Variants in MECOM observed in about 807,000 individuals in gnomAD.
MECOM encodes the protein MDS1 and EVI1 complex locus.
Under a neutral mutation model 116.3 loss-of-function variants are expected in MECOM, and 13 were observed. The ratio of observed to expected loss-of-function variants is 0.11; its 90% CI spans 0.07 to 0.18. MECOM has a LOEUF of 0.18. Among genes scored for constraint, MECOM ranks in the 10% least tolerant of loss-of-function variants. The pLI is 1.00. For synonymous variants in MECOM, 528 were observed against 535.2 expected (o/e 0.99, Z 0.19); for missense variants, 1,299 against 1,509.0 (o/e 0.86, Z 2.31).
At chr3:169,236,907 T>C (rs1754134856) in intron 2 of MECOM, among the ~76,000 whole-genome samples, 1 of 152,256 alleles carries the variant, frequency 6.6e-6, no homozygotes, top group Admixed American at 6.5e-5. Flanking sequence ...CACTTGACTT[T>C]TGACCTTTCA....
At chr3:169,496,631 G>T (rs1381915618) in intron 1 of MECOM, among the ~76,000 whole-genome samples, 1 of 152,190 alleles carries the variant, frequency 6.6e-6, no homozygotes, top group Non-Finnish European at 1.5e-5. Flanking sequence ...AGATAACCCT[G>T]CAATGACTTC....
chr3:169,420,418 G>T (rs1282565866), intron 1 of MECOM, among the ~76,000 whole-genome samples: 4 of 152,104 alleles, frequency 2.6e-5, no homozygotes. Context: ...TGTTCTCTAA[G>T]ATTCCTTTCA....
chr3:169,116,497 T>C lies in MECOM; in HGVS notation c.1375A>G (p.Met459Val), dbSNP rs201159531. The C allele has an allele frequency of 1.3e-5, 21 of 1,614,072 alleles. No homozygotes were observed. Among genetic ancestry groups the C allele is most frequent in the Non-Finnish European group, 1.7e-5 (20 of 1,180,040 alleles). The change falls in exon 8 of 17, where the codon ATG (methionine) becomes GTG (valine). Residue 459 changes from methionine (M) to valine (V), a missense_variant. Physicochemically the swap from Met to Val is conservative, Grantham distance 21 (BLOSUM62 1). This residue lies in a region of MECOM where 238 missense variants were observed against 273.1 expected (regional missense o/e 0.87). Coordinates refer to ENST00000651503, the MANE Select transcript of MECOM (RefSeq NM_004991.4). ...PAMDKTSMVN[M>V]SHANPGLADY... Reference sequence around the variant, plus strand: ...GCAAGGCCCGGGTTGGCATGACTCATATTAACCATGGACGTTTTATCCATA... The same window carrying C: ...GCAAGGCCCGGGTTGGCATGACTCACATTAACCATGGACGTTTTATCCATA...
intron 2 of MECOM, chr3:169,147,723 T>G: frequency 1.0e-6 from 1 of 979,166 alleles, no homozygotes; most frequent in Non-Finnish European, 1.2e-6. Context: ...GTGGTGTGTG[T>G]GTGTGTGTGT....
intron 2 of MECOM, among the ~76,000 whole-genome samples, chr3:169,358,528 C>CAA (rs3980663): frequency 0.032 from 4,225 of 131,890 alleles, 198 homozygotes; most frequent in African/African-American, 0.11. Flanking sequence ...TTTAGAGCCA[C>CAA]AAAAAAAAAA....
At chr3:169,255,014 A>G (rs998749) in intron 2 of MECOM, among the ~76,000 whole-genome samples, 60,663 of 151,984 alleles carry the variant, frequency 0.4, 13,771 homozygotes, top group Middle Eastern at 0.56. Flanking sequence ...AGGATCAGAG[A>G]TCTACCAAAG....
At chr3:169,298,924 G>T (rs1442319892) in intron 2 of MECOM, among the ~76,000 whole-genome samples, 2 of 152,062 alleles carry the variant, frequency 1.3e-5, no homozygotes, top group Non-Finnish European at 2.9e-5. Flanking sequence ...CTTTGCAAAG[G>T]GATTTCGAAC....
intron 1 of MECOM, among the ~76,000 whole-genome samples, chr3:169,594,174 A>AAAAAAAAAAAAAAAAACC (rs1255613781): frequency 3.2e-5 from 4 of 125,934 alleles, no homozygotes; most frequent in African/African-American, 1.3e-4. Context: ...AAAAAAAAAA[A>AAAAAAAAAAAAAAAAACC]AACACCTTTT....
At chr3:169,518,726 T>C (rs7636429) in intron 1 of MECOM, among the ~76,000 whole-genome samples, 17,437 of 152,154 alleles carry the variant, frequency 0.11, 1,079 homozygotes, top group African/African-American at 0.12. Flanking sequence ...CTCCCACAAT[T>C]CCCATGTGTC....
At chr3:169,211,224 C>A (rs1056291237) in intron 2 of MECOM, among the ~76,000 whole-genome samples, 4 of 152,068 alleles carry the variant, frequency 2.6e-5, no homozygotes, top group Non-Finnish European at 2.9e-5. Context: ...GCAACGTGTG[C>A]GATCTCTCTC....
chr3:169,333,335 C>G (rs902531280), intron 2 of MECOM, among the ~76,000 whole-genome samples: 1 of 151,732 alleles, frequency 6.6e-6, no homozygotes, highest in African/African-American at 2.4e-5. Flanking sequence ...GCCAAGCCAG[C>G]GAGAAGGAGA....
chr3:169,622,008 T>C (rs534784322), intron 1 of MECOM, among the ~76,000 whole-genome samples: 64 of 152,316 alleles, frequency 4.2e-4, no homozygotes, highest in African/African-American at 1.3e-3. Flanking sequence ...GTTTAAAAGA[T>C]GATAATCTGT....
chr3:169,627,205 G>A (rs1339396631), intron 1 of MECOM, among the ~76,000 whole-genome samples: 1 of 152,136 alleles, frequency 6.6e-6, no homozygotes, highest in Non-Finnish European at 1.5e-5. Flanking sequence ...AGGTGTACAC[G>A]GCCCAGCAAA....
At chr3:169,330,567 A>G (rs1046028446) in intron 2 of MECOM, among the ~76,000 whole-genome samples, 1 of 152,140 alleles carries the variant, frequency 6.6e-6, no homozygotes, top group African/African-American at 2.4e-5. Flanking sequence ...ATCTTAATAA[A>G]CTGATGATAG....
At chr3:169,427,026 A>G (rs192166580) in intron 1 of MECOM, among the ~76,000 whole-genome samples, 130 of 152,256 alleles carry the variant, frequency 8.5e-4, no homozygotes, top group African/African-American at 2.9e-3. Flanking sequence ...TTTCTACTAG[A>G]TTACTTTTTT....
intron 2 of MECOM, among the ~76,000 whole-genome samples, chr3:169,154,592 C>A (rs1359173791): frequency 6.6e-6 from 1 of 152,180 alleles, no homozygotes; most frequent in African/African-American, 2.4e-5. Flanking sequence ...ATCCTCTCAA[C>A]CATCTGCTGT....
Position 169,146,296 on chromosome 3 carries a change from C to T in MECOM, c.376-2464G>A, listed in dbSNP as rs1426792616. Reference sequence around the variant, plus strand: ...ACGATGTTGGACAGCAAAGCTGTTACTTGGCAAGGTGGAACTCGGCCGAGA... The same window carrying T: ...ACGATGTTGGACAGCAAAGCTGTTATTTGGCAAGGTGGAACTCGGCCGAGA... On this transcript the variant is annotated intron_variant, in intron 2 of 16. Transcript: ENST00000651503. The T allele has an allele frequency of 2.4e-6, 3 of 1,261,614 alleles. No individual in the cohort carries two copies. The Admixed American group carries it at 9.5e-5, about 40-fold the overall frequency. The allele number at this position is 1,261,614 out of a possible 1,614,324, so 78.2% of individuals were successfully genotyped here. A position where few individuals can be genotyped will look rare whatever the true frequency, so the allele number is the denominator to read the frequency against.
At chr3:169,576,341 A>G (rs1301312237) in intron 1 of MECOM, among the ~76,000 whole-genome samples, 1 of 152,186 alleles carries the variant, frequency 6.6e-6, no homozygotes, top group Non-Finnish European at 1.5e-5. Flanking sequence ...ACGCATCAAA[A>G]ACCACAATAA....
At chr3:169,438,404 C>T (rs1743060413) in intron 1 of MECOM, among the ~76,000 whole-genome samples, 1 of 152,070 alleles carries the variant, frequency 6.6e-6, no homozygotes, top group African/African-American at 2.4e-5. Context: ...TCCCAGGAAA[C>T]GTGTGTTAAG....
Sources: allele counts gnomAD v4.1 joint callset (sites outside exome capture counted in the v4.1 genomes callset), GRCh38; gene constraint gnomAD v4.1.1; regional missense constraint gnomAD v4.1.1; transcripts MANE v1.5; gene names NCBI Gene and HGNC (gene_info 2026-07-23, HGNC 2026-07-21).